COLQ: variants seen among roughly 807,000 people sequenced by gnomAD.
COLQ encodes acetylcholinesterase collagenic tail peptide.
In COLQ, 48 loss-of-function variants were observed where a neutral mutation model predicts 69.0. The observed-to-expected ratio is 0.70, with a 90% CI of 0.55 to 0.88. COLQ has a LOEUF of 0.88. COLQ is among the 40% of genes least tolerant of loss of function. The pLI is 0.00. For missense variants in COLQ, 618 were observed against 594.6 expected (o/e 1.04, Z -0.41); for synonymous variants, 217 against 211.2 (o/e 1.03, Z -0.24).
chr3:15,514,285 A>G (rs1326095298), intron 1 of COLQ, among the ~76,000 whole-genome samples: 1 of 152,194 alleles, frequency 6.6e-6, no homozygotes, highest in Middle Eastern at 3.2e-3. Context: ...GAGCTAGAAC[A>G]GAGGCTCTTA....
At chr3:15,510,044 C>T (rs914692134) in intron 1 of COLQ, among the ~76,000 whole-genome samples, 4 of 151,952 alleles carry the variant, frequency 2.6e-5, no homozygotes, top group African/African-American at 4.8e-5. Flanking sequence ...GGCGTGGTGG[C>T]GGGCGCCTGT....
chr3:15,491,267 T>A (rs780458627), intron 1 of COLQ, among the ~76,000 whole-genome samples: 25 of 152,218 alleles, frequency 1.6e-4, no homozygotes, highest in Non-Finnish European at 3.1e-4. Flanking sequence ...ATATCCATAA[T>A]CACCCAAAGC....
chr3:15,473,874 TAGA>T lies in COLQ; in HGVS notation c.636+123_636+125del. 9.2e-7 allele frequency: 1 copy of T among 1,090,364 alleles called. No homozygotes were observed. Among genetic ancestry groups the T allele is most frequent in the Non-Finnish European group, 1.4e-6 (1 of 725,560 alleles). 67.5% of individuals were successfully genotyped at this position (1,090,364 alleles called of 1,614,324 possible). A position where few individuals can be genotyped will look rare whatever the true frequency, so the allele number is the denominator to read the frequency against. On this transcript the variant is annotated intron_variant, in intron 10 of 16. Coordinates refer to ENST00000383788, the MANE Select transcript of COLQ (RefSeq NM_005677.4). The surrounding 1 kb of genome is among the most constrained non-coding windows in gnomAD (Gnocchi z 4.0). ...AAGCAACTTGCTTCCCGTCCCAAAA[TAGA>T]AGTTTCCATGGTTAAACCCACCATC...
At chr3:15,456,351 G>C in intron 14 of COLQ, 109 bp downstream of exon 14, 1 of 1,457,794 alleles carries the variant, frequency 6.9e-7, no homozygotes, top group Non-Finnish European at 9.4e-7. Context: ...CATGCAGACA[G>C]ACTGTAGAAA....
intron 1 of COLQ, among the ~76,000 whole-genome samples, chr3:15,520,517 C>T (rs1046363073): frequency 1.3e-5 from 2 of 152,060 alleles, no homozygotes; most frequent in Admixed American, 6.5e-5. Context: ...GCAAAGGCAG[C>T]GATAGTGAAA....
rs550132955 is a variant in COLQ at position 15,456,054 on chromosome 3, T to C, written c.1075-35A>G. The stretch of plus-strand genomic sequence containing the variant: ...GAAGCACACAGCATTAACTGGAGCA[T>C]GGCATACCCAGGCAGCCGCAGGCAG... On this transcript the variant is annotated intron_variant, in intron 14 of 16. Coordinates refer to ENST00000383788, the MANE Select transcript of COLQ (RefSeq NM_005677.4). 5 of 1,613,302 alleles carry C rather than the reference T, an allele frequency of 3.1e-6. No individual in the cohort carries two copies. The Admixed American group carries it at 8.3e-5, about 27-fold the overall frequency.
At chr3:15,485,200 G>A (rs936681223) in intron 3 of COLQ, among the ~76,000 whole-genome samples, 5 of 152,198 alleles carry the variant, frequency 3.3e-5, no homozygotes, top group African/African-American at 1.2e-4. Flanking sequence ...ACCAGTGGAG[G>A]CTGCAGAACA....
At chr3:15,478,129 G>T (rs574120140) in intron 5 of COLQ, among the ~76,000 whole-genome samples, 1 of 152,146 alleles carries the variant, frequency 6.6e-6, no homozygotes, top group Non-Finnish European at 1.5e-5. Context: ...AATCAATCAT[G>T]GTCCTTGTTA....
intron 16 of COLQ, among the ~76,000 whole-genome samples, chr3:15,451,960 C>T (rs1196592738): frequency 1.3e-5 from 2 of 152,192 alleles, no homozygotes; most frequent in Non-Finnish European, 2.9e-5. Flanking sequence ...AGGGAATCCC[C>T]CTTGCTACGA....
chr3:15,477,823 G>C (rs1330549648), intron 5 of COLQ, among the ~76,000 whole-genome samples: 1 of 152,142 alleles, frequency 6.6e-6, no homozygotes, highest in African/African-American at 2.4e-5. Context: ...CCACACCTTT[G>C]CCTGGCTTCT....
chr3:15,485,102 A>G (rs2062552985), intron 3 of COLQ, among the ~76,000 whole-genome samples: 1 of 151,090 alleles, frequency 6.6e-6, no homozygotes, highest in Non-Finnish European at 1.5e-5. Context: ...TCTGTTTGTT[A>G]GTTTTCCTTC....
At chr3:15,465,168 C>T (rs6775862) in intron 12 of COLQ, among the ~76,000 whole-genome samples, 152,062 of 152,062 alleles carry the variant, frequency 1, 76,031 homozygotes, top group Non-Finnish European at 1. Flanking sequence ...AGCAAGGCTC[C>T]GTCTTGAAAA....
intron 1 of COLQ, among the ~76,000 whole-genome samples, chr3:15,515,984 T>C (rs924618994): frequency 6.6e-6 from 1 of 151,762 alleles, no homozygotes; most frequent in Admixed American, 6.6e-5. Context: ...AACAGTAAGG[T>C]GGGGGGTTGG....
chr3:15,483,191 T>A (rs1268751838), intron 3 of COLQ, among the ~76,000 whole-genome samples: 1 of 152,056 alleles, frequency 6.6e-6, no homozygotes, highest in Non-Finnish European at 1.5e-5. Context: ...TTTTGAAGGG[T>A]TTTTTCGTGT....
At chr3:15,482,580 A>T (rs1338954003) in intron 3 of COLQ, among the ~76,000 whole-genome samples, 2 of 152,156 alleles carry the variant, frequency 1.3e-5, no homozygotes, top group Non-Finnish European at 2.9e-5. Flanking sequence ...ATGGTGGATA[A>T]GCTTTTTGAT....
At chr3:15,455,083 A>T (rs1240782267) in intron 15 of COLQ, among the ~76,000 whole-genome samples, 2 of 152,204 alleles carry the variant, frequency 1.3e-5, no homozygotes, top group African/African-American at 4.8e-5. Flanking sequence ...GAATTCAGTG[A>T]ATGGTGGTTG....
intron 12 of COLQ, among the ~76,000 whole-genome samples, chr3:15,463,313 TG>T (rs2062149637): frequency 6.6e-6 from 1 of 151,908 alleles, no homozygotes; most frequent in Non-Finnish European, 1.5e-5. Context: ...TTTTTGGTTT[TG>T]GTTTTGTTTT....
At chr3:15,477,001 G>A in intron 6 of COLQ, 125 bp downstream of exon 6, 1 of 990,346 alleles carries the variant, frequency 1.0e-6, no homozygotes, top group Non-Finnish European at 1.6e-6. Flanking sequence ...CAGTCCTTAA[G>A]CTCTCTTCTT....
chr3:15,477,000 A>G, intron 6 of COLQ, 126 bp downstream of exon 6: 1 of 984,914 alleles, frequency 1.0e-6, no homozygotes, highest in South Asian at 1.4e-5. Context: ...CCAGTCCTTA[A>G]GCTCTCTTCT....
Sources: gnomAD v4.1 joint callset for allele counts (sites outside exome capture counted in the v4.1 genomes callset) on GRCh38, gnomAD v4.1.1 for gene constraint, Gnocchi (gnomAD v3.1) non-coding constraint, MANE v1.5 for transcripts, NCBI Gene and HGNC (gene_info 2026-07-23, HGNC 2026-07-21) for gene names.